Variants in HPSE2 observed in about 807,000 individuals in gnomAD.
The protein encoded by HPSE2 is heparanase 2 (inactive), also known as inactive heparanase-2.
In HPSE2, 38 loss-of-function variants were observed where a neutral mutation model predicts 60.5. That is an observed-to-expected ratio of 0.63 (90% CI 0.48 to 0.82). The LOEUF (loss-of-function observed/expected upper bound fraction) is 0.82, where lower values mean the gene tolerates loss of function less well. Ranked by LOEUF, HPSE2 falls within the 40% of genes least tolerant of loss-of-function variation. The probability of loss-of-function intolerance (pLI) is 0.00; values close to 1 mark genes in which losing one functional copy is unlikely to be tolerated. For synonymous variants in HPSE2, 295 were observed against 293.2 expected, an observed-to-expected ratio of 1.01 and a Z score of -0.06; for missense variants, 713 against 740.4, an observed-to-expected ratio of 0.96 and a Z score of 0.43.
intron 3 of HPSE2, among the ~76,000 whole-genome samples, chr10:99,023,021 G>A (rs541508354): frequency 1.3e-5 from 2 of 152,272 alleles, no homozygotes; most frequent in East Asian, 1.9e-4. Flanking sequence ...CACAACCACA[G>A]TGGGATAGAG....
chr10:98,797,101 T>A (rs1950794807), intron 3 of HPSE2, among the ~76,000 whole-genome samples: 1 of 152,240 alleles, frequency 6.6e-6, no homozygotes, highest in South Asian at 2.1e-4. Flanking sequence ...TCTACGAGCA[T>A]CAACACCATC....
chr10:99,270,541 G>A, the HPSE2 span, among the ~76,000 whole-genome samples: 1 of 152,138 alleles, frequency 6.6e-6, no homozygotes, highest in East Asian at 1.9e-4. Flanking sequence ...CAGATGCACA[G>A]CTGAAGTCTA....
At chr10:98,721,964 T>G (rs1948939023) in intron 4 of HPSE2, 136 bp from the exon 5 acceptor site, 2 of 794,626 alleles carry the variant, frequency 2.5e-6, no homozygotes, top group African/African-American at 1.8e-5. Context: ...GTGAATTATT[T>G]TAACTTAAAG....
chr10:99,253,291 G>A, the HPSE2 span, among the ~76,000 whole-genome samples: 1 of 152,070 alleles, frequency 6.6e-6, no homozygotes, highest in Non-Finnish European at 1.5e-5. Flanking sequence ...TAAAAACACA[G>A]ACCAATGGAA....
intron 3 of HPSE2, among the ~76,000 whole-genome samples, chr10:99,083,402 G>T (rs1455283973): frequency 6.6e-6 from 1 of 152,114 alleles, no homozygotes. Flanking sequence ...TAACCTCAAG[G>T]TCACTATTCT....
chr10:98,939,026 A>G (rs1326259500), intron 3 of HPSE2, among the ~76,000 whole-genome samples: 5 of 143,970 alleles, frequency 3.5e-5, no homozygotes, highest in Non-Finnish European at 7.4e-5. Flanking sequence ...TTTACAGACA[A>G]GCAAATGCTG....
chr10:99,310,611 C>T, the HPSE2 span, among the ~76,000 whole-genome samples: 1 of 152,064 alleles, frequency 6.6e-6, no homozygotes, highest in African/African-American at 2.4e-5. Flanking sequence ...TGATTTAATA[C>T]CCACCCAGCA....
intron 3 of HPSE2, among the ~76,000 whole-genome samples, chr10:98,999,156 CGTGT>C (rs55879808): frequency 0.016 from 2,144 of 137,618 alleles, 20 homozygotes; most frequent in East Asian, 0.031. Flanking sequence ...GTATAGACTA[CGTGT>C]GTGTGTGTGT....
chr10:98,965,183 G>A (rs1241053698), intron 3 of HPSE2, among the ~76,000 whole-genome samples: 1 of 151,964 alleles, frequency 6.6e-6, no homozygotes, highest in Non-Finnish European at 1.5e-5. Flanking sequence ...TCTTTAATAG[G>A]TACTGTTGTC....
At chr10:98,662,781 T>C (rs945025048) in intron 6 of HPSE2, among the ~76,000 whole-genome samples, 24 of 152,222 alleles carry the variant, frequency 1.6e-4, no homozygotes, top group African/African-American at 5.8e-4. Flanking sequence ...AACCTCCTCT[T>C]ATTTTACAGC....
At chr10:99,237,807 T>C (rs1053137085), upstream of HPSE2, among the ~76,000 whole-genome samples, 7 of 152,188 alleles carry the variant, frequency 4.6e-5, no homozygotes, top group African/African-American at 1.7e-4. Context: ...TAAGTATGTA[T>C]TGAGCACCTC....
chr10:99,060,159 A>G (rs1315628554), intron 3 of HPSE2, among the ~76,000 whole-genome samples: 1 of 152,110 alleles, frequency 6.6e-6, no homozygotes, highest in Non-Finnish European at 1.5e-5. Context: ...AACAAAAGAC[A>G]TAAGAAAAGG....
intron 2 of HPSE2, among the ~76,000 whole-genome samples, chr10:99,200,489 T>C (rs1848539803): frequency 6.6e-6 from 1 of 152,104 alleles, no homozygotes; most frequent in African/African-American, 2.4e-5. Flanking sequence ...CTCTGACATT[T>C]ATTAGCAGTA....
intron 9 of HPSE2, among the ~76,000 whole-genome samples, chr10:98,507,894 GA>G (rs1942255160): frequency 6.6e-6 from 1 of 151,962 alleles, no homozygotes; most frequent in Non-Finnish European, 1.5e-5. Context: ...GCAATGACAT[GA>G]AAATGCATAA....
the HPSE2 span, among the ~76,000 whole-genome samples, chr10:99,274,668 T>C: frequency 6.6e-6 from 1 of 152,184 alleles, no homozygotes; most frequent in Non-Finnish European, 1.5e-5. Context: ...GAGAGAACAT[T>C]TCCAGGAGCA....
intron 3 of HPSE2, among the ~76,000 whole-genome samples, chr10:99,133,486 G>A (rs895256600): frequency 6.6e-6 from 1 of 152,208 alleles, no homozygotes; most frequent in Non-Finnish European, 1.5e-5. Flanking sequence ...TCATACAGGA[G>A]AGCTCTGGTT....
rs538907997 is a variant in HPSE2 at position 99,078,689 on chromosome 10, G to A, written c.610+65549C>T. 3.9e-5 allele frequency among the ~76,000 whole-genome samples: 6 copies of A among 152,250 alleles called. No homozygotes were observed. The South Asian group carries it at 1.2e-3, about 32-fold the overall frequency. On this transcript the variant is annotated intron_variant, in intron 3 of 11. Transcript: ENST00000370552. ...AACACTGTATCTCCAATTCATTACA[G>A]TTGTTTTCAGGAAATTTACTTTATT... is the stretch of plus-strand genomic sequence containing the variant.
intron 9 of HPSE2, among the ~76,000 whole-genome samples, chr10:98,529,509 G>C (rs1293951839): frequency 6.6e-6 from 1 of 152,156 alleles, no homozygotes; most frequent in Non-Finnish European, 1.5e-5. Flanking sequence ...CAGGCAAATA[G>C]GTTTCACTTT....
chr10:98,702,517 A>T (rs2134196587), intron 5 of HPSE2, among the ~76,000 whole-genome samples: 1 of 152,302 alleles, frequency 6.6e-6, no homozygotes, highest in African/African-American at 2.4e-5. Flanking sequence ...ACTTATTCTA[A>T]AATCAACCAC....
Sources: gnomAD v4.1 joint callset for allele counts (sites outside exome capture counted in the v4.1 genomes callset) on GRCh38, gnomAD v4.1.1 for gene constraint, MANE v1.5 for transcripts, NCBI Gene and HGNC (gene_info 2026-07-23, HGNC 2026-07-21) for gene names.